Variants in WRN observed in about 807,000 individuals in gnomAD.
WRN encodes WRN RecQ like helicase.
WRN carries 149 observed loss-of-function variants against 180.7 expected under a neutral mutation model. The observed-to-expected ratio is 0.82, with a 90% CI of 0.72 to 0.94. WRN has a LOEUF of 0.94. Ranked by LOEUF, WRN falls within the 40% of genes least tolerant of loss-of-function variation. The pLI is 0.00. For missense variants in WRN, 1,661 were observed against 1,700.1 expected (o/e 0.98, Z 0.40); for synonymous variants, 548 against 568.9 (o/e 0.96, Z 0.52).
intron 8 of WRN, among the ~76,000 whole-genome samples, chr8:31,078,402 A>G (rs981301034): frequency 6.6e-6 from 1 of 152,168 alleles, no homozygotes; most frequent in East Asian, 1.9e-4. Context: ...ATTCCAGCTT[A>G]CTTTCGGCAT....
intron 33 of WRN, among the ~76,000 whole-genome samples, chr8:31,160,256 TTATC>T (rs1179948314): frequency 6.6e-5 from 10 of 152,190 alleles, no homozygotes; most frequent in African/African-American, 2.4e-4. Flanking sequence ...ATCTGAGTAT[TTATC>T]TGTGTGATAC....
intron 33 of WRN, among the ~76,000 whole-genome samples, chr8:31,164,929 A>T (rs1314210665): frequency 1.3e-5 from 2 of 152,150 alleles, no homozygotes; most frequent in Non-Finnish European, 2.9e-5. Flanking sequence ...CATATATATA[A>T]AACGCAGGAT....
intron 13 of WRN, 31 bp downstream of exon 13, chr8:31,088,996 T>C: frequency 6.3e-7 from 1 of 1,581,958 alleles, no homozygotes; most frequent in Non-Finnish European, 8.6e-7. Flanking sequence ...TCAAATCACA[T>C]ATTTAGTATT....
chr8:31,089,586 T>A (rs1168377765), intron 13 of WRN, among the ~76,000 whole-genome samples: 5 of 152,010 alleles, frequency 3.3e-5, no homozygotes. Flanking sequence ...TTTATTTATG[T>A]CTTACATACA....
At chr8:31,081,405 C>G (rs1330995032) in intron 9 of WRN, 109 bp downstream of exon 9, 2 of 1,177,760 alleles carry the variant, frequency 1.7e-6, no homozygotes, top group Admixed American at 2.4e-5. Flanking sequence ...GACATACAGT[C>G]TCTGTTGCAG....
At chr8:31,092,466 TACAC>T (rs1367170609) in intron 16 of WRN, among the ~76,000 whole-genome samples, 2 of 150,774 alleles carry the variant, frequency 1.3e-5, no homozygotes, top group South Asian at 2.1e-4. Flanking sequence ...TGTGTATATG[TACAC>T]ACACACACAA....
intron 34 of WRN, among the ~76,000 whole-genome samples, chr8:31,168,721 T>C (rs1803994756): frequency 6.6e-6 from 1 of 152,160 alleles, no homozygotes; most frequent in African/African-American, 2.4e-5. Flanking sequence ...GAGGCCTACT[T>C]TCAGAATCTG....
chr8:31,049,126 G>A (rs1428009207), intron 1 of WRN, among the ~76,000 whole-genome samples: 1 of 144,218 alleles, frequency 6.9e-6, no homozygotes, highest in Non-Finnish European at 1.5e-5. Context: ...CAGGAGAATG[G>A]CGTGAACTCA....
chr8:31,037,924 C>T (rs898103065), intron 1 of WRN, among the ~76,000 whole-genome samples: 13 of 152,148 alleles, frequency 8.5e-5, no homozygotes, highest in African/African-American at 2.7e-4. Context: ...TATCAGAACT[C>T]GATTTCTTTT....
intron 1 of WRN, among the ~76,000 whole-genome samples, chr8:31,053,204 T>C (rs149903280): frequency 6.6e-5 from 10 of 152,322 alleles, no homozygotes; most frequent in African/African-American, 2.2e-4. Flanking sequence ...TTCAAAGAGA[T>C]AAATGAATAC....
chr8:31,167,341 TTCTC>T (rs774730527), intron 34 of WRN, 111 bp downstream of exon 34: 7 of 883,250 alleles, frequency 7.9e-6, no homozygotes, highest in Non-Finnish European at 1.2e-5. Context: ...TATGATTACT[TTCTC>T]TATGTGCTAC....
intron 1 of WRN, among the ~76,000 whole-genome samples, chr8:31,043,956 C>T (rs1321556507): frequency 1.3e-5 from 2 of 152,148 alleles, no homozygotes; most frequent in Non-Finnish European, 2.9e-5. Flanking sequence ...GATTTTTCTT[C>T]TTGTTTGTAT....
At chr8:31,095,568 T>C (rs920115300) in intron 16 of WRN, among the ~76,000 whole-genome samples, 1 of 152,234 alleles carries the variant, frequency 6.6e-6, no homozygotes, top group African/African-American at 2.4e-5. Flanking sequence ...GTAAATGTTG[T>C]CTATTGTATG....
At chr8:31,043,785 T>A (rs1235623990) in intron 1 of WRN, among the ~76,000 whole-genome samples, 1 of 152,188 alleles carries the variant, frequency 6.6e-6, no homozygotes, top group Non-Finnish European at 1.5e-5. Flanking sequence ...TCCCCCTTCA[T>A]ATGCCTGACC....
chr8:31,034,245 C>G (rs898533366), intron 1 of WRN, among the ~76,000 whole-genome samples: 5 of 152,178 alleles, frequency 3.3e-5, no homozygotes, highest in African/African-American at 1.2e-4. Context: ...GTTAGGATTG[C>G]TCTTTCTAGT....
chr8:31,046,344 A>G (rs1177131862), intron 1 of WRN, among the ~76,000 whole-genome samples: 4 of 152,204 alleles, frequency 2.6e-5, no homozygotes, highest in Non-Finnish European at 5.9e-5. Context: ...AAAGCTGGTT[A>G]GTGATAGCAA....
intron 3 of WRN, 149 bp downstream of exon 3, chr8:31,059,414 T>A: frequency 1.5e-6 from 1 of 661,176 alleles, no homozygotes; most frequent in Non-Finnish European, 2.7e-6. Flanking sequence ...AAGTTTTACA[T>A]TTCAAATAAA....
intron 21 of WRN, among the ~76,000 whole-genome samples, chr8:31,122,857 C>CTTTTT (rs1801772940): frequency 4.2e-5 from 2 of 47,948 alleles, no homozygotes; most frequent in African/African-American, 7.2e-5. Flanking sequence ...CATTTCTTTT[C>CTTTTT]TTGTTTTTTT....
intron 1 of WRN, among the ~76,000 whole-genome samples, chr8:31,043,583 C>T (rs1429468186): frequency 1.3e-5 from 2 of 152,114 alleles, no homozygotes; most frequent in African/African-American, 4.8e-5. Context: ...CTTTTTCCTC[C>T]TCCTATGCTT....
Sources: allele counts gnomAD v4.1 joint callset (sites outside exome capture counted in the v4.1 genomes callset), GRCh38; gene constraint gnomAD v4.1.1; transcripts MANE v1.5; gene names NCBI Gene and HGNC (gene_info 2026-07-23, HGNC 2026-07-21).